The following NFYC variants were observed in gnomAD, a reference collection of about 807,000 sequenced individuals.
The protein encoded by NFYC is nuclear transcription factor Y subunit gamma.
In NFYC, 25 loss-of-function variants were observed where a neutral mutation model predicts 53.1. The ratio of observed to expected loss-of-function variants is 0.47; its 90% CI spans 0.34 to 0.66. The LOEUF is 0.66. Ranked by LOEUF, NFYC falls within the 30% of genes least tolerant of loss-of-function variation. The probability of loss-of-function intolerance (pLI) is 0.01; values close to 1 mark genes in which losing one functional copy is unlikely to be tolerated. For synonymous variants in NFYC, 145 were observed against 152.6 expected, an observed-to-expected ratio of 0.95 and a Z score of 0.37; for missense variants, 260 against 422.7, an observed-to-expected ratio of 0.62 and a Z score of 3.38.
intron 1 of NFYC, among the ~76,000 whole-genome samples, chr1:40,728,936 C>A (rs1644643607): frequency 6.6e-6 from 1 of 152,212 alleles, no homozygotes; most frequent in Non-Finnish European, 1.5e-5. Context: ...CTGCTCCCAG[C>A]CTCCATCAGT....
At chr1:40,727,532 CTTTT>C (rs372284521) in intron 1 of NFYC, among the ~76,000 whole-genome samples, 2 of 130,140 alleles carry the variant, frequency 1.5e-5, no homozygotes, top group East Asian at 2.3e-4. Context: ...CATGAATATT[CTTTT>C]TTTTTTTTTT....
intron 1 of NFYC, chr1:40,730,708 G>A (rs949354173): frequency 1.2e-5 from 5 of 408,592 alleles, no homozygotes; most frequent in African/African-American, 4.3e-5. Context: ...GCTGCAAGTC[G>A]GTTTGGGGAA....
intron 2 of NFYC, among the ~76,000 whole-genome samples, chr1:40,739,596 A>T (rs1483416680): frequency 6.6e-6 from 1 of 152,134 alleles, no homozygotes; most frequent in East Asian, 1.9e-4. Context: ...ATGGGCAAAA[A>T]TCATCCCTTG....
At chr1:40,706,037 C>T (rs1226139747) in intron 1 of NFYC, among the ~76,000 whole-genome samples, 2 of 152,210 alleles carry the variant, frequency 1.3e-5, no homozygotes, top group African/African-American at 2.4e-5. Flanking sequence ...TGAGCCAACA[C>T]GCCTGGCCCA....
chr1:40,708,651 G>A (rs1431717164), intron 1 of NFYC, among the ~76,000 whole-genome samples: 1 of 152,110 alleles, frequency 6.6e-6, no homozygotes, highest in Non-Finnish European at 1.5e-5. Context: ...AAAATAAAGT[G>A]CTTTGCCTTG....
intron 1 of NFYC, among the ~76,000 whole-genome samples, chr1:40,693,833 A>G (rs1323526023): frequency 6.6e-6 from 1 of 152,244 alleles, no homozygotes; most frequent in Non-Finnish European, 1.5e-5. Context: ...CTGGGTGTTT[A>G]GAGTGTATAA....
chr1:40,771,344 C>A lies in NFYC; in HGVS notation c.*516C>A, dbSNP rs1330037637. 2.3e-6 allele frequency: 1 copy of A among 443,558 alleles called. No individual in the cohort carries two copies. Among genetic ancestry groups the A allele is most frequent in the South Asian group, 1.6e-5 (1 of 60,658 alleles). 27.5% of individuals were successfully genotyped at this position (443,558 alleles called of 1,614,324 possible). On this transcript the variant is annotated 3_prime_UTR_variant, in exon 10 of 10. Transcript: ENST00000447388. Reference sequence around the variant, plus strand: ...TTCACTCGTGGTCCTCTCCCCATCCCTTGCTCTGACCCCAGAGCTCTGTGT... The same window carrying A: ...TTCACTCGTGGTCCTCTCCCCATCCATTGCTCTGACCCCAGAGCTCTGTGT...
At chr1:40,740,014 G>A (rs1194242633) in intron 2 of NFYC, among the ~76,000 whole-genome samples, 4 of 152,142 alleles carry the variant, frequency 2.6e-5, no homozygotes, top group African/African-American at 9.7e-5. Flanking sequence ...TGGTATGAGA[G>A]TGGTAGTGGA....
intron 1 of NFYC, among the ~76,000 whole-genome samples, chr1:40,731,588 G>A (rs567124316): frequency 6.6e-6 from 1 of 152,054 alleles, no homozygotes; most frequent in Non-Finnish European, 1.5e-5. Flanking sequence ...GGATTCAAGC[G>A]ATTCCCCCGC....
intron 1 of NFYC, among the ~76,000 whole-genome samples, chr1:40,732,018 A>T (rs1644798469): frequency 6.6e-6 from 1 of 152,206 alleles, no homozygotes; most frequent in Non-Finnish European, 1.5e-5. Context: ...ACATTAAGGG[A>T]GGACTTAACT....
intron 1 of NFYC, among the ~76,000 whole-genome samples, chr1:40,708,106 A>G (rs987469397): frequency 3.9e-5 from 6 of 152,174 alleles, no homozygotes; most frequent in African/African-American, 1.4e-4. Flanking sequence ...AACTACATAT[A>G]TAGCATTTAC....
chr1:40,750,043 C>T (rs957943977), intron 4 of NFYC, among the ~76,000 whole-genome samples: 2 of 152,320 alleles, frequency 1.3e-5, no homozygotes, highest in Middle Eastern at 3.4e-3. Flanking sequence ...TAATCAACTT[C>T]TGGTTGGGAG....
At chr1:40,769,086 T>G in intron 8 of NFYC, 1 of 390,296 alleles carries the variant, frequency 2.6e-6, no homozygotes, top group Admixed American at 3.9e-5. Flanking sequence ...AGTGGGTGGT[T>G]GAGGGAGTAG....
Position 40,738,934 on chromosome 1 carries a change from C to G in NFYC, c.91C>G (p.Arg31Gly), listed in dbSNP as rs748664577. ...SFWPRVMEEI[R>G]NLTVKDFRVQ... is the part of the protein sequence containing the mutation. ...CTGGCCTCGGGTCATGGAAGAAATC[C>G]GGAATTTAACAGTGGTGAGGAAGAA... Residue 31 changes from arginine to glycine, a missense_variant, in exon 2 of 10, where the codon CGG (arginine) becomes GGG (glycine). Transcript: ENST00000447388. 1.2e-6 allele frequency: 2 copies of G among 1,612,016 alleles called. No individual in the cohort carries two copies. Among genetic ancestry groups the G allele is most frequent in the Admixed American group, 1.7e-5 (1 of 59,996 alleles).
intron 4 of NFYC, among the ~76,000 whole-genome samples, chr1:40,750,234 C>T (rs763201469): frequency 2.0e-5 from 3 of 151,962 alleles, no homozygotes; most frequent in Non-Finnish European, 2.9e-5. Flanking sequence ...CTCTAGAAAC[C>T]CTCACCCTAT....
chr1:40,757,913 T>A (rs1230512031), intron 5 of NFYC: 2 of 602,322 alleles, frequency 3.3e-6, no homozygotes, highest in Non-Finnish European at 5.8e-6. Flanking sequence ...GGCTGTATGT[T>A]TTGTGAAGCC....
At chr1:40,729,468 T>A (rs1442511536) in intron 1 of NFYC, among the ~76,000 whole-genome samples, 1 of 152,218 alleles carries the variant, frequency 6.6e-6, no homozygotes, top group Non-Finnish European at 1.5e-5. Context: ...TTGCTCCACA[T>A]TAGGCTTTGG....
chr1:40,737,224 A>G (rs188430943), intron 1 of NFYC, among the ~76,000 whole-genome samples: 13 of 152,024 alleles, frequency 8.6e-5, no homozygotes, highest in Non-Finnish European at 1.6e-4. Context: ...TGTGTTATCT[A>G]CAGTTATAGC....
chr1:40,761,758 T>A (rs984885661), intron 6 of NFYC, among the ~76,000 whole-genome samples: 4 of 152,216 alleles, frequency 2.6e-5, no homozygotes, highest in Admixed American at 2.6e-4. Context: ...CAGTCAGAAT[T>A]AAGAACATCA....
Sources: allele counts gnomAD v4.1 joint callset (sites outside exome capture counted in the v4.1 genomes callset), GRCh38; gene constraint gnomAD v4.1.1; transcripts MANE v1.5; gene names NCBI Gene and HGNC (gene_info 2026-07-23, HGNC 2026-07-21).